SLC18A1: variants seen among roughly 807,000 people sequenced by gnomAD.
The protein encoded by SLC18A1 is solute carrier family 18 member A1.
Under a neutral mutation model 53.7 loss-of-function variants are expected in SLC18A1, and 69 were observed. The ratio of observed to expected loss-of-function variants is 1.28; its 90% CI spans 1.06 to 1.57. The LOEUF (loss-of-function observed/expected upper bound fraction) is 1.57, where lower values mean the gene tolerates loss of function less well. Ranked by LOEUF, SLC18A1 falls within the 40% of genes most tolerant of loss-of-function variation. The probability of loss-of-function intolerance (pLI) is 0.00; values close to 1 mark genes in which losing one functional copy is unlikely to be tolerated. For missense variants in SLC18A1, 932 were observed against 668.1 expected (o/e 1.40, Z -4.35); for synonymous variants, 320 against 248.1 (o/e 1.29, Z -2.72).
chr8:20,179,311 T>C lies in SLC18A1; in HGVS notation c.298A>G (p.Ile100Val), dbSNP rs2072351493. The change falls in exon 3 of 16, where the codon ATA (isoleucine) becomes GTA (valine). Residue 100 changes from isoleucine to valine, a missense_variant. Transcript: ENST00000276373. ...VAVEESVPSG[I>V]AWMNDTASTI... is the part of the protein sequence containing the mutation. ...CTGGCAGTGTCATTCATCCATGCTA[T>C]TCCACTAGGTACGCTTTCTTCAACA... 1 of 1,614,102 alleles carries C rather than the reference T, an allele frequency of 6.2e-7. No homozygotes were observed. The highest frequency in any genetic ancestry group is 8.5e-7 in the Non-Finnish European group (1 of 1,180,048).
chr8:20,147,555 G>A (rs1262355330), intron 14 of SLC18A1, 48 bp downstream of exon 14: 1 of 1,608,730 alleles, frequency 6.2e-7, no homozygotes, highest in African/African-American at 1.3e-5. Context: ...CTTCCAGCTG[G>A]TAAAGAGTAG....
intron 10 of SLC18A1, among the ~76,000 whole-genome samples, chr8:20,154,133 GCCAAATAAACCTCTTTTCTTTATAAATTA>G (rs2071626307): frequency 6.6e-6 from 1 of 152,192 alleles, no homozygotes; most frequent in African/African-American, 2.4e-5. Context: ...AGAACCATAA[GCCAAATAAACCTCTTTTCTTTATAAATTA>G]CCCAGCCTCA....
At chr8:20,178,561 T>A in intron 3 of SLC18A1, 68 bp from the exon 4 acceptor site, 2 of 1,178,730 alleles carry the variant, frequency 1.7e-6, no homozygotes, top group Non-Finnish European at 1.2e-6. Flanking sequence ...ACTACATTTT[T>A]AAATGTAAGT....
intron 8 of SLC18A1, among the ~76,000 whole-genome samples, chr8:20,170,791 A>G (rs1006682607): frequency 6.6e-6 from 1 of 151,852 alleles, no homozygotes; most frequent in Admixed American, 6.6e-5. Flanking sequence ...AGATCTCCAG[A>G]TATACATGAA....
At chr8:20,167,155 T>C (rs1467620216) in intron 8 of SLC18A1, among the ~76,000 whole-genome samples, 1 of 146,002 alleles carries the variant, frequency 6.8e-6, no homozygotes, top group Admixed American at 6.8e-5. Context: ...ACCCCACAAA[T>C]GGATGCAAAT....
intron 4 of SLC18A1, among the ~76,000 whole-genome samples, chr8:20,175,108 C>A (rs757569450): frequency 7.2e-5 from 11 of 152,096 alleles, no homozygotes; most frequent in Admixed American, 3.3e-4. Context: ...AGATGGACAC[C>A]CAGGAAACTG....
intron 10 of SLC18A1, among the ~76,000 whole-genome samples, chr8:20,163,964 C>T (rs769006555): frequency 3.3e-5 from 5 of 152,164 alleles, no homozygotes; most frequent in Non-Finnish European, 5.9e-5. Flanking sequence ...GAATTATCTG[C>T]ACTGAATACC....
rs1563722060 is a variant in SLC18A1, at chr8:20,149,586, CTCCCTCTCTCT to C, written c.1146+79_1146+89del. The stretch of plus-strand genomic sequence containing the variant: ...TGTCTGTGTCTTTCTCTCTCTCTCT[CTCCCTCTCTCT>C]CTCTCTCTCTCTCTCTCTCTGTCTG... On this transcript the variant is annotated intron_variant, in intron 12 of 15. Coordinates refer to ENST00000276373, the MANE Select transcript of SLC18A1 (RefSeq NM_003053.4). 3.1e-5 allele frequency: 31 copies of C among 985,788 alleles called. No individual in the cohort carries two copies. In the East Asian group the frequency reaches 7.7e-4, roughly 24 times the overall value. 61.1% of individuals were successfully genotyped at this position (985,788 alleles called of 1,614,324 possible).
chr8:20,151,959 C>T (rs1225178698), intron 10 of SLC18A1, among the ~76,000 whole-genome samples: 1 of 152,056 alleles, frequency 6.6e-6, no homozygotes, highest in Non-Finnish European at 1.5e-5. Flanking sequence ...AACAAATACA[C>T]AAAAAAGATA....
In SLC18A1 at chr8:20,178,290, A is replaced by G. The variant is rs953172149; in HGVS notation, c.547+145T>C. 7.7e-6 allele frequency: 5 copies of G among 649,758 alleles called. No homozygotes were observed. The Admixed American group carries it at 1.5e-4, about 20-fold the overall frequency. The allele number at this position is 649,758 out of a possible 1,614,324, so 40.2% of individuals were successfully genotyped here. On this transcript the variant is annotated intron_variant, in intron 4 of 15. Coordinates refer to ENST00000276373, the MANE Select transcript of SLC18A1 (RefSeq NM_003053.4). ...TACTGTTCTAGTCCACATACCAAAA[A>G]CAGCAGAGCATTTAAACCAATATTC...
chr8:20,152,239 T>A (rs1375624842), intron 10 of SLC18A1, among the ~76,000 whole-genome samples: 1 of 152,050 alleles, frequency 6.6e-6, no homozygotes, highest in East Asian at 1.9e-4. Context: ...AAGTGGAGGG[T>A]GAGAAAATGA....
rs1224251371 is a variant in SLC18A1 at position 20,179,343 on chromosome 8, G to A, written c.266C>T (p.Thr89Ile). The change falls in exon 3 of 16, where the codon ACC becomes ATC. Residue 89 changes from threonine (T) to isoleucine (I), a missense_variant. Thr to Ile is a moderately conservative substitution (Grantham distance 89). Transcript: ENST00000276373. ...STIFSFFNNN[T>I]VAVEESVPSG... ...AGGTACGCTTTCTTCAACAGCCACG[G>A]TGTTGTTGTTGAAGAAGGAGAAGAT... The A allele has an allele frequency of 6.2e-7, 1 of 1,614,078 alleles. No individual in the cohort carries two copies. The highest frequency in any genetic ancestry group is 1.3e-5 in the African/African-American group (1 of 74,922).
intron 10 of SLC18A1, among the ~76,000 whole-genome samples, chr8:20,151,147 GTT>G (rs11345261): frequency 0.013 from 1,804 of 138,680 alleles, 26 homozygotes; most frequent in South Asian, 0.056. Flanking sequence ...GTTTTTTTTT[GTT>G]TTTTTTTTGT....
At chr8:20,165,673 C>G (rs919101883) in intron 8 of SLC18A1, among the ~76,000 whole-genome samples, 5 of 152,194 alleles carry the variant, frequency 3.3e-5, no homozygotes, top group Non-Finnish European at 5.9e-5. Context: ...ACACTCTCAT[C>G]TAAACTTGGT....
intron 1 of SLC18A1, among the ~76,000 whole-genome samples, chr8:20,181,477 T>C (rs1207058292): frequency 2.0e-5 from 3 of 152,030 alleles, no homozygotes; most frequent in Non-Finnish European, 4.4e-5. Flanking sequence ...CCAGGTATGG[T>C]GGGATGTGCC....
At chr8:20,149,585 T>G in intron 12 of SLC18A1, 91 bp downstream of exon 12, 1 of 969,392 alleles carries the variant, frequency 1.0e-6, no homozygotes, top group Non-Finnish European at 1.5e-6. Context: ...TCTCTCTCTC[T>G]CTCCCTCTCT....
intron 6 of SLC18A1, 96 bp from the exon 7 acceptor site, chr8:20,171,590 C>G: frequency 1.1e-6 from 1 of 920,512 alleles, no homozygotes; most frequent in South Asian, 1.4e-5. Context: ...TGCAGAAGGC[C>G]TGCTAGGGGC....
intron 10 of SLC18A1, among the ~76,000 whole-genome samples, chr8:20,159,660 A>AAAAG (rs1376137804): frequency 1.3e-5 from 2 of 149,746 alleles, no homozygotes; most frequent in African/African-American, 2.5e-5. Flanking sequence ...AAAAAAAAAA[A>AAAAG]AAAGAAAGAA....
intron 14 of SLC18A1, 28 bp from the exon 15 acceptor site, chr8:20,147,419 T>C (rs2071429330): frequency 1.3e-6 from 2 of 1,594,918 alleles, no homozygotes; most frequent in African/African-American, 1.3e-5. Flanking sequence ...AAGTCATAAG[T>C]GTCTATGGAG....
Sources: gnomAD v4.1 joint callset for allele counts (sites outside exome capture counted in the v4.1 genomes callset) on GRCh38, gnomAD v4.1.1 for gene constraint, MANE v1.5 for transcripts, NCBI Gene and HGNC (gene_info 2026-07-23, HGNC 2026-07-21) for gene names.